RBFOX1: variants seen among roughly 807,000 people sequenced by gnomAD.
RBFOX1 encodes the protein RNA binding fox-1 homolog 1, also known as RNA binding protein fox-1 homolog 1.
In RBFOX1, 8 loss-of-function variants were observed where a neutral mutation model predicts 57.7. The observed-to-expected ratio is 0.14, with a 90% CI of 0.08 to 0.25. The LOEUF (loss-of-function observed/expected upper bound fraction) is 0.25, where lower values mean the gene tolerates loss of function less well. RBFOX1 is among the 10% of genes least tolerant of loss of function. RBFOX1 has a pLI of 1.00. For synonymous variants in RBFOX1, 326 were observed against 222.4 expected (o/e 1.47, Z -4.15); for missense variants, 611 against 548.5 (o/e 1.11, Z -1.14).
At chr16:5,953,704 T>TTATATATA (rs369586168) in intron 4 of RBFOX1, among the ~76,000 whole-genome samples, 21 of 138,720 alleles carry the variant, frequency 1.5e-4, no homozygotes, top group African/African-American at 3.7e-4. Context: ...GTCTTCTGTC[T>TTATATATA]TATATATATA....
rs559977239 is a variant in RBFOX1, at chr16:6,869,874, C to A, written c.-15-182183C>A. ...GGAATGAAGGGGAATCTGTTCAGAA[C>A]GTATATGTCTCCCCGCAGTAAAAGC... On this transcript the variant is annotated intron_variant, in intron 3 of 15. Coordinates refer to ENST00000550418, the MANE Select transcript of RBFOX1 (RefSeq NM_018723.4). Among the ~76,000 whole-genome samples, 96 of 152,220 alleles carry A rather than the reference C, an allele frequency of 6.3e-4. 1 individual carries two copies. The highest frequency in any genetic ancestry group is 2.1e-3 in the African/African-American group (86 of 41,538).
chr16:6,339,248 A>G (rs887846454), intron 2 of RBFOX1, among the ~76,000 whole-genome samples: 6 of 152,222 alleles, frequency 3.9e-5, no homozygotes, highest in Non-Finnish European at 8.8e-5. Flanking sequence ...TGGGACTTTC[A>G]TACTAAAGCC....
At chr16:6,134,151 G>C (rs2096649460) in intron 1 of RBFOX1, among the ~76,000 whole-genome samples, 1 of 151,944 alleles carries the variant, frequency 6.6e-6, no homozygotes, top group Non-Finnish European at 1.5e-5. Context: ...TGGCCAGGCT[G>C]GTCTCGAACT....
chr16:7,643,371 C>T (rs2063169696), intron 11 of RBFOX1, among the ~76,000 whole-genome samples: 1 of 152,106 alleles, frequency 6.6e-6, no homozygotes, highest in Non-Finnish European at 1.5e-5. Context: ...ATTTCAAAAA[C>T]CCAAGTTGTA....
rs60498960 is a variant in RBFOX1 at position 6,380,398 on chromosome 16, A to ATTTTTTTTTTTT, written c.-64+63378_-64+63389dup. ...CGTCTGTGAGTGGTGAATGGTGGGG[A>ATTTTTTTTTTTT]TTTTTTTTTTTTTTTTTTTTTTTTT... On this transcript the variant is annotated intron_variant, in intron 2 of 15. Transcript: ENST00000550418. Among the ~76,000 whole-genome samples, 2 of 49,160 alleles carry ATTTTTTTTTTTT rather than the reference A, an allele frequency of 4.1e-5. 1 individual carries two copies. The allele number at this position is 49,160 out of a possible 152,430, so 32.3% of individuals were successfully genotyped here.
At chr16:5,993,384 T>TGTGTGTGTGTGTGA (rs1475287832) in intron 4 of RBFOX1, among the ~76,000 whole-genome samples, 3 of 71,232 alleles carry the variant, frequency 4.2e-5, no homozygotes, top group African/African-American at 6.8e-5. Flanking sequence ...TGTGTGTGTG[T>TGTGTGTGTGTGTGA]GAGAGAGAGA....
chr16:5,332,962 G>T (rs2064795897), intron 1 of RBFOX1, among the ~76,000 whole-genome samples: 1 of 152,102 alleles, frequency 6.6e-6, no homozygotes, highest in African/African-American at 2.4e-5. Context: ...AAGGTGGGCG[G>T]ATCACCTGAG....
intron 3 of RBFOX1, among the ~76,000 whole-genome samples, chr16:6,999,823 G>T (rs1464609207): frequency 6.6e-6 from 1 of 152,128 alleles, no homozygotes; most frequent in Non-Finnish European, 1.5e-5. Flanking sequence ...TGTAATCCCA[G>T]TATTTTGGGA....
chr16:6,993,902 C>G (rs997452836), intron 3 of RBFOX1, among the ~76,000 whole-genome samples: 1 of 152,238 alleles, frequency 6.6e-6, no homozygotes, highest in East Asian at 1.9e-4. Flanking sequence ...TAATGTATCT[C>G]ATATTGTATT....
intron 4 of RBFOX1, among the ~76,000 whole-genome samples, chr16:5,984,590 C>T (rs1010986258): frequency 1.3e-5 from 2 of 152,104 alleles, no homozygotes; most frequent in East Asian, 3.9e-4. Flanking sequence ...ACTGCACATT[C>T]TGGTATTATC....
intron 2 of RBFOX1, among the ~76,000 whole-genome samples, chr16:6,644,451 C>G (rs2098517172): frequency 1.3e-5 from 2 of 152,184 alleles, no homozygotes; most frequent in African/African-American, 4.8e-5. Flanking sequence ...CAGCAGTAAT[C>G]AATTTCTCAG....
intron 3 of RBFOX1, among the ~76,000 whole-genome samples, chr16:5,799,687 G>C (rs564240780): frequency 6.6e-6 from 1 of 152,106 alleles, no homozygotes; most frequent in African/African-American, 2.4e-5. Flanking sequence ...GCCAAGCTGT[G>C]ATGTTCGGTT....
At chr16:7,632,287 C>A (rs544447247) in intron 11 of RBFOX1, among the ~76,000 whole-genome samples, 2 of 152,296 alleles carry the variant, frequency 1.3e-5, no homozygotes, top group South Asian at 4.1e-4. Flanking sequence ...AAGCCCAAAT[C>A]TAATCATATT....
At chr16:6,955,285 CG>C (rs1220586500) in intron 3 of RBFOX1, among the ~76,000 whole-genome samples, 1 of 151,754 alleles carries the variant, frequency 6.6e-6, no homozygotes, top group East Asian at 1.9e-4. Context: ...AACTCCCTAG[CG>C]TACGATTAAG....
At chr16:6,453,082 G>T (rs2094674053) in intron 2 of RBFOX1, among the ~76,000 whole-genome samples, 1 of 152,026 alleles carries the variant, frequency 6.6e-6, no homozygotes, top group African/African-American at 2.4e-5. Flanking sequence ...CTAAAGTGGG[G>T]CACAAAATAG....
chr16:7,146,561 G>A (rs2075019808), intron 4 of RBFOX1, among the ~76,000 whole-genome samples: 1 of 151,968 alleles, frequency 6.6e-6, no homozygotes, highest in South Asian at 2.1e-4. Flanking sequence ...GGTCTTCTTG[G>A]GTTTCTCATT....
intron 14 of RBFOX1, among the ~76,000 whole-genome samples, chr16:7,704,902 C>A (rs569257744): frequency 6.6e-6 from 1 of 151,872 alleles, no homozygotes; most frequent in Non-Finnish European, 1.5e-5. Flanking sequence ...CAAAATTTAG[C>A]CACGTATGGT....
At chr16:6,205,856 G>T in intron 1 of RBFOX1, among the ~76,000 whole-genome samples, 1 of 118,406 alleles carries the variant, frequency 8.4e-6, no homozygotes. Context: ...GAGCCTACGA[G>T]ATCATACTTT....
At chr16:6,677,206 GACT>G in intron 3 of RBFOX1, among the ~76,000 whole-genome samples, 1 of 152,194 alleles carries the variant, frequency 6.6e-6, no homozygotes, top group Admixed American at 6.5e-5. Context: ...TAAGTGGCAG[GACT>G]ACAACTAGAA....
Sources: gnomAD v4.1 joint callset for allele counts (sites outside exome capture counted in the v4.1 genomes callset) on GRCh38, gnomAD v4.1.1 for gene constraint, MANE v1.5 for transcripts, NCBI Gene and HGNC (gene_info 2026-07-23, HGNC 2026-07-21) for gene names.